The following KLC1 variants were observed in gnomAD, a reference collection of about 807,000 sequenced individuals.
The protein encoded by KLC1 is kinesin 2 60/70kDa.
KLC1 carries 30 observed loss-of-function variants against 84.2 expected under a neutral mutation model. That is an observed-to-expected ratio of 0.36 (90% confidence interval 0.27 to 0.48). The LOEUF (loss-of-function observed/expected upper bound fraction) is 0.48, where lower values mean the gene tolerates loss of function less well. Among genes scored for constraint, KLC1 ranks in the 20% least tolerant of loss-of-function variants. KLC1 has a pLI of 0.99. For synonymous variants in KLC1, 289 were observed against 293.3 expected, an observed-to-expected ratio of 0.99 and a Z score of 0.15; for missense variants, 499 against 805.4, an observed-to-expected ratio of 0.62 and a Z score of 4.60.
chr14:103,697,137 C>G, intron 15 of KLC1: 1 of 984,726 alleles, frequency 1.0e-6, no homozygotes, highest in Non-Finnish European at 1.2e-6. Context: ...AATAAAATGT[C>G]TTACTTGCCA....
At chr14:103,669,296 G>A (rs998176813) in intron 5 of KLC1, among the ~76,000 whole-genome samples, 6 of 151,802 alleles carry the variant, frequency 4.0e-5, no homozygotes, top group Admixed American at 1.3e-4. Context: ...TTAGCCGGGC[G>A]TGGTGACAGA....
chr14:103,696,642 G>A (rs2082548220), intron 15 of KLC1: 1 of 985,362 alleles, frequency 1.0e-6, no homozygotes. Context: ...GGGGCCAGCA[G>A]GCTGCGTGTG....
intron 1 of KLC1, among the ~76,000 whole-genome samples, chr14:103,637,249 C>T (rs904580082): frequency 3.9e-5 from 6 of 151,906 alleles, no homozygotes; most frequent in South Asian, 4.2e-4. Context: ...AAGAAATTTT[C>T]GGCTGGGCGC....
chr14:103,634,129 A>G (rs758319684), intron 1 of KLC1, among the ~76,000 whole-genome samples: 8 of 152,160 alleles, frequency 5.3e-5, no homozygotes, highest in Non-Finnish European at 1.2e-4. Flanking sequence ...TCAGCCTCCC[A>G]AAGTGCTGGG....
rs377427675 is a variant in KLC1, at chr14:103,654,848, C to T, written c.261+23C>T. 1.0e-5 allele frequency: 16 copies of T among 1,594,072 alleles called. No homozygotes were observed. In the African/African-American group the frequency reaches 1.1e-4, roughly 11 times the overall value. ...CAGGTACGAGTGAGAATGACTCAGA[C>T]GTTATCAGGAACTTTTGATGGTAAA... On this transcript the variant is annotated intron_variant, in intron 2 of 16. Coordinates refer to ENST00000334553, the MANE Select transcript of KLC1 (RefSeq NM_001394837.1).
chr14:103,635,892 C>T (rs1475833868), intron 1 of KLC1, among the ~76,000 whole-genome samples: 1 of 152,062 alleles, frequency 6.6e-6, no homozygotes. Flanking sequence ...TTTTTTGCTT[C>T]GCGGTATAAG....
rs1056657376 is a variant in KLC1, at chr14:103,701,314, A to G, written c.*115A>G. 5.3e-6 allele frequency: 6 copies of G among 1,134,300 alleles called. No individual in the cohort carries two copies. In the Admixed American group the frequency reaches 8.5e-5, roughly 16 times the overall value. 70.3% of individuals were successfully genotyped at this position (1,134,300 alleles called of 1,614,324 possible). A position where few individuals can be genotyped will look rare whatever the true frequency, so the allele number is the denominator to read the frequency against. On this transcript the variant is annotated 3_prime_UTR_variant, in exon 17 of 17. Coordinates refer to ENST00000334553, the MANE Select transcript of KLC1 (RefSeq NM_001394837.1). Reference sequence around the variant, plus strand: ...TGGCCGGGAGCCGCAGCGCTCACTCATTTCTCCTGCGTCTGTGTGCATAGG... The same window carrying G: ...TGGCCGGGAGCCGCAGCGCTCACTCGTTTCTCCTGCGTCTGTGTGCATAGG...
At chr14:103,640,653 C>T (rs1017633104) in intron 1 of KLC1, among the ~76,000 whole-genome samples, 8 of 152,178 alleles carry the variant, frequency 5.3e-5, no homozygotes, top group African/African-American at 1.9e-4. Flanking sequence ...AGCCACCGCG[C>T]CCGGCCCTGT....
intron 15 of KLC1, chr14:103,698,913 C>T (rs1567047580): frequency 6.2e-7 from 1 of 1,600,382 alleles, no homozygotes. Context: ...GGCTGGGCAG[C>T]CGAGGGCAGC....
chr14:103,685,932 C>T (rs1384648001), intron 13 of KLC1: 1 of 1,118,226 alleles, frequency 8.9e-7, no homozygotes, highest in Non-Finnish European at 1.1e-6. Flanking sequence ...ATTAGCTGTT[C>T]ACTTTGGTAA....
chr14:103,648,339 T>C (rs2078115388), intron 1 of KLC1, among the ~76,000 whole-genome samples: 1 of 152,242 alleles, frequency 6.6e-6, no homozygotes, highest in Admixed American at 6.5e-5. Context: ...TAACATTTAT[T>C]TTGATTTATT....
intron 3 of KLC1, among the ~76,000 whole-genome samples, chr14:103,660,901 C>G (rs1256148970): frequency 6.6e-6 from 1 of 152,168 alleles, no homozygotes; most frequent in African/African-American, 2.4e-5. Flanking sequence ...AGTGATTGAC[C>G]TGGGACATTG....
intron 1 of KLC1, among the ~76,000 whole-genome samples, chr14:103,636,783 C>T (rs761939901): frequency 3.1e-4 from 47 of 151,944 alleles, no homozygotes; most frequent in African/African-American, 3.9e-4. Context: ...AGTGCAGTGG[C>T]GCGATCTCGG....
chr14:103,656,830 T>C (rs1241188564), intron 2 of KLC1, among the ~76,000 whole-genome samples: 1 of 152,226 alleles, frequency 6.6e-6, no homozygotes, highest in Non-Finnish European at 1.5e-5. Context: ...TATTATGTTA[T>C]GAGAGGGATG....
At chr14:103,646,628 ATTTTTTTTCTTTC>A (rs891839950) in intron 1 of KLC1, among the ~76,000 whole-genome samples, 5 of 151,704 alleles carry the variant, frequency 3.3e-5, no homozygotes, top group African/African-American at 7.3e-5. Flanking sequence ...TGCCTAGCTA[ATTTTTTTTCTTTC>A]TTTTTTTTCT....
At position 103,693,897 on chromosome 14, in the gene KLC1, C is replaced by T. The variant is rs994823988; in HGVS notation, c.1848+1472C>T. ...AGGTGGCGCTGAGGTGGCTTCAGCA[C>T]GCTGGGGATTGGCTCCTGCTCACGG... On this transcript the variant is annotated intron_variant, in intron 15 of 16. Coordinates refer to ENST00000334553, the MANE Select transcript of KLC1 (RefSeq NM_001394837.1). This position sits in a 1 kb window ranked among gnomAD's most constrained non-coding sequence, Gnocchi z 5.1. The T allele has an allele frequency of 3.7e-5, 48 of 1,305,324 alleles. No homozygotes were observed. The highest frequency in any genetic ancestry group is 7.5e-5 in the Admixed American group (2 of 26,816). 80.9% of individuals were successfully genotyped at this position (1,305,324 alleles called of 1,614,324 possible). A position where few individuals can be genotyped will look rare whatever the true frequency, so the allele number is the denominator to read the frequency against.
At chr14:103,679,869 T>C (rs775932629) in intron 13 of KLC1, 1 of 244,294 alleles carries the variant, frequency 4.1e-6, no homozygotes, top group African/African-American at 2.2e-5. Flanking sequence ...CTAACTTGCT[T>C]CTTTAACTCA....
chr14:103,665,473 C>T (rs2079693070), intron 5 of KLC1, among the ~76,000 whole-genome samples: 1 of 152,048 alleles, frequency 6.6e-6, no homozygotes, highest in Admixed American at 6.6e-5. Flanking sequence ...TTGCTCTTGT[C>T]GCCCAGGCTA....
intron 1 of KLC1, among the ~76,000 whole-genome samples, chr14:103,645,159 G>A (rs2077817339): frequency 6.6e-6 from 1 of 152,102 alleles, no homozygotes; most frequent in Admixed American, 6.6e-5. Flanking sequence ...TTGTAGTAGA[G>A]TCGGGGTTTC....
Sources: gnomAD v4.1 joint callset for allele counts (sites outside exome capture counted in the v4.1 genomes callset) on GRCh38, gnomAD v4.1.1 for gene constraint, Gnocchi (gnomAD v3.1) non-coding constraint, MANE v1.5 for transcripts, NCBI Gene and HGNC (gene_info 2026-07-23, HGNC 2026-07-21) for gene names.